The following SPMIP7 variants were observed in gnomAD, a reference collection of about 807,000 sequenced individuals.
SPMIP7 encodes the protein protein SPMIP7.
chr7:50,122,110 C>A, the SPMIP7 span, among the ~76,000 whole-genome samples: 1 of 152,080 alleles, frequency 6.6e-6, no homozygotes. Flanking sequence ...AGAAATCCTG[C>A]CTAATAAAAT....
At chr7:50,109,429 G>A in the SPMIP7 span, among the ~76,000 whole-genome samples, 184 of 152,154 alleles carry the variant, frequency 1.2e-3, no homozygotes, top group African/African-American at 4.3e-3. Context: ...CCAGCGGAGT[G>A]CAGCGGCATG....
At chr7:50,139,213 G>C in the SPMIP7 span, among the ~76,000 whole-genome samples, 1 of 151,856 alleles carries the variant, frequency 6.6e-6, no homozygotes, top group African/African-American at 2.4e-5. Context: ...GCTGGGTGTG[G>C]TGGCACGTGC....
At chr7:50,118,539 T>C in the SPMIP7 span, among the ~76,000 whole-genome samples, 1 of 152,220 alleles carries the variant, frequency 6.6e-6, no homozygotes, top group African/African-American at 2.4e-5. Context: ...GGATAGAAGC[T>C]TTCCCATCTG....
At chr7:50,141,578 C>G in the SPMIP7 span, 2 of 533,392 alleles carry the variant, frequency 3.7e-6, no homozygotes, top group Non-Finnish European at 6.8e-6. Context: ...ACTTGGGGCC[C>G]TTGAGCAAGT....
the SPMIP7 span, among the ~76,000 whole-genome samples, chr7:50,130,058 G>A: frequency 1.3e-5 from 2 of 152,144 alleles, no homozygotes; most frequent in African/African-American, 4.8e-5. Context: ...ATCCTAGAAA[G>A]CCAAGACAGA....
the SPMIP7 span, among the ~76,000 whole-genome samples, chr7:50,105,857 C>G: frequency 2.6e-5 from 4 of 151,938 alleles, no homozygotes; most frequent in Admixed American, 2.6e-4. Context: ...TCCATTGGTC[C>G]TGCAGGTAAA....
the SPMIP7 span, among the ~76,000 whole-genome samples, chr7:50,129,498 T>C: frequency 6.6e-6 from 1 of 152,154 alleles, no homozygotes; most frequent in South Asian, 2.1e-4. Context: ...TTAACTTTAA[T>C]ATACATTTTG....
At chr7:50,159,146 G>T in the SPMIP7 span, 1 of 1,551,752 alleles carries the variant, frequency 6.4e-7, no homozygotes. Context: ...CAACAAGAAG[G>T]ACAAAGAAAC....
chr7:50,126,569 G>C, the SPMIP7 span, among the ~76,000 whole-genome samples: 1 of 150,964 alleles, frequency 6.6e-6, no homozygotes, highest in Non-Finnish European at 1.5e-5. Flanking sequence ...ATCAGACAAA[G>C]ATTTTACAAA....
the SPMIP7 span, among the ~76,000 whole-genome samples, chr7:50,128,172 A>G: frequency 3.3e-5 from 5 of 152,114 alleles, no homozygotes; most frequent in South Asian, 6.2e-4. Context: ...ACCAACGTGG[A>G]TGGAACTGGA....
At chr7:50,153,906 G>A in the SPMIP7 span, among the ~76,000 whole-genome samples, 2 of 152,168 alleles carry the variant, frequency 1.3e-5, no homozygotes, top group African/African-American at 4.8e-5. Flanking sequence ...TGTGTGCCTG[G>A]CCTTTTCTAA....
At chr7:50,107,396 G>GAA in the SPMIP7 span, among the ~76,000 whole-genome samples, 5 of 53,426 alleles carry the variant, frequency 9.4e-5, no homozygotes, top group Non-Finnish European at 1.4e-4. Context: ...GAAAAGAAAA[G>GAA]AAAAAGAAAA....
the SPMIP7 span, among the ~76,000 whole-genome samples, chr7:50,113,625 C>G: frequency 1.3e-5 from 2 of 151,562 alleles, no homozygotes; most frequent in African/African-American, 4.9e-5. Flanking sequence ...GCAACATAAA[C>G]TATTCAAAAC....
the SPMIP7 span, among the ~76,000 whole-genome samples, chr7:50,146,062 CA>C: frequency 6.6e-6 from 1 of 152,122 alleles, no homozygotes; most frequent in African/African-American, 2.4e-5. Context: ...GACTGTGTTG[CA>C]GCTTAACAAA....
At chr7:50,153,754 G>A in the SPMIP7 span, among the ~76,000 whole-genome samples, 1 of 152,172 alleles carries the variant, frequency 6.6e-6, no homozygotes, top group African/African-American at 2.4e-5. Flanking sequence ...TGACTTGAAG[G>A]AGTGGGGCTT....
the SPMIP7 span, among the ~76,000 whole-genome samples, chr7:50,148,430 C>T: frequency 1.1e-4 from 16 of 152,292 alleles, no homozygotes; most frequent in Admixed American, 4.6e-4. Context: ...AGATGGCCTG[C>T]GTCCATCCCT....
At chr7:50,133,116 A>T in the SPMIP7 span, among the ~76,000 whole-genome samples, 1 of 152,110 alleles carries the variant, frequency 6.6e-6, no homozygotes, top group Non-Finnish European at 1.5e-5. Flanking sequence ...CTTTAGAATG[A>T]GGGTTGTATG....
At chr7:50,157,085 G>C in the SPMIP7 span, among the ~76,000 whole-genome samples, 1 of 152,202 alleles carries the variant, frequency 6.6e-6, no homozygotes, top group South Asian at 2.1e-4. Flanking sequence ...TTGATGCAGA[G>C]GCAAGGAACA....
At chr7:50,119,948 C>A in the SPMIP7 span, among the ~76,000 whole-genome samples, 1 of 152,204 alleles carries the variant, frequency 6.6e-6, no homozygotes, top group Non-Finnish European at 1.5e-5. Context: ...ACCTGGCTCA[C>A]GCGCTATGTA....
Sources: gnomAD v4.1 joint callset for allele counts (sites outside exome capture counted in the v4.1 genomes callset) on GRCh38, gnomAD v4.1.1 for gene constraint, MANE v1.5 for transcripts, NCBI Gene and HGNC (gene_info 2026-07-23, HGNC 2026-07-21) for gene names.